The following GLIS3 variants were observed in gnomAD, a reference collection of about 807,000 sequenced individuals.
The protein encoded by GLIS3 is zinc finger protein GLIS3.
Under a neutral mutation model 78.6 loss-of-function variants are expected in GLIS3, and 53 were observed. The ratio of observed to expected loss-of-function variants is 0.67; its 90% CI spans 0.54 to 0.85. The LOEUF is 0.85. GLIS3 is among the 40% of genes least tolerant of loss of function. GLIS3 has a pLI of 0.00. For missense variants in GLIS3, 1,703 were observed against 1,231.1 expected (o/e 1.38, Z -5.74); for synonymous variants, 684 against 509.9 (o/e 1.34, Z -4.60).
At chr9:3,893,455 G>A (rs143278151) in intron 7 of GLIS3, among the ~76,000 whole-genome samples, 82 of 152,264 alleles carry the variant, frequency 5.4e-4, no homozygotes, top group African/African-American at 1.8e-3. Context: ...TTCTTCAGCT[G>A]AGTGGTTATA....
chr9:4,251,974 G>C (rs1159739062), intron 2 of GLIS3, among the ~76,000 whole-genome samples: 1 of 152,212 alleles, frequency 6.6e-6, no homozygotes, highest in Non-Finnish European at 1.5e-5. Flanking sequence ...CGAGAGATCT[G>C]CTGTTAGTCT....
chr9:3,889,386 C>A (rs1356195739), intron 7 of GLIS3, among the ~76,000 whole-genome samples: 1 of 152,132 alleles, frequency 6.6e-6, no homozygotes. Flanking sequence ...TACATGAGTT[C>A]TGGATGCCTT....
intron 2 of GLIS3, among the ~76,000 whole-genome samples, chr9:4,235,229 G>T (rs1042337956): frequency 6.6e-6 from 1 of 150,912 alleles, no homozygotes; most frequent in African/African-American, 2.5e-5. Flanking sequence ...AACCCGGGAG[G>T]CGGAGGTTGC....
At chr9:3,874,450 G>T (rs1474193232) in intron 8 of GLIS3, among the ~76,000 whole-genome samples, 1 of 152,168 alleles carries the variant, frequency 6.6e-6, no homozygotes, top group Non-Finnish European at 1.5e-5. Flanking sequence ...ACTAGTAAAT[G>T]TGTTTCCCTG....
intron 6 of GLIS3, among the ~76,000 whole-genome samples, chr9:3,916,057 G>A (rs1192454565): frequency 6.6e-6 from 1 of 152,114 alleles, no homozygotes; most frequent in Non-Finnish European, 1.5e-5. Context: ...GAAAATCTTA[G>A]AAACAAAGAG....
At chr9:3,828,744 G>A (rs961528535) in intron 10 of GLIS3, among the ~76,000 whole-genome samples, 1 of 152,174 alleles carries the variant, frequency 6.6e-6, no homozygotes, top group East Asian at 1.9e-4. Context: ...GAAGAAATAG[G>A]GAAAGAACAT....
In GLIS3 at chr9:4,010,620, G is replaced by A. The variant is rs149700303; in HGVS notation, c.1711-73431C>T. ...TTTGCCTCAGCTTCCAGACTTTCCC[G>A]TGAAAATCGCCTGCTTTGGTGTCAT... On this transcript the variant is annotated intron_variant, in intron 4 of 10. Transcript: ENST00000381971. Among the ~76,000 whole-genome samples, 44 of 152,280 alleles carry A rather than the reference G, an allele frequency of 2.9e-4. No individual in the cohort carries two copies. The East Asian group carries it at 2.9e-3, about 10-fold the overall frequency.
chr9:4,042,418 G>A (rs931446140), intron 4 of GLIS3, among the ~76,000 whole-genome samples: 1 of 152,180 alleles, frequency 6.6e-6, no homozygotes, highest in East Asian at 1.9e-4. Context: ...GTTAACCCAT[G>A]AGTACATAAA....
the GLIS3 span, among the ~76,000 whole-genome samples, chr9:4,363,299 T>C: frequency 6.6e-6 from 1 of 152,144 alleles, no homozygotes; most frequent in Non-Finnish European, 1.5e-5. Flanking sequence ...GGCACATGCC[T>C]GTAGTCCCAG....
chr9:4,432,378 G>A, the GLIS3 span, among the ~76,000 whole-genome samples: 1 of 152,176 alleles, frequency 6.6e-6, no homozygotes, highest in Non-Finnish European at 1.5e-5. Context: ...GACAGCATGA[G>A]CAAATGTATA....
chr9:4,424,855 C>A, the GLIS3 span, among the ~76,000 whole-genome samples: 1 of 151,830 alleles, frequency 6.6e-6, no homozygotes, highest in African/African-American at 2.4e-5. Flanking sequence ...CCACTGTGCC[C>A]AGCCCATTTT....
At chr9:4,192,667 T>A (rs975959527) in intron 2 of GLIS3, among the ~76,000 whole-genome samples, 3 of 152,158 alleles carry the variant, frequency 2.0e-5, no homozygotes, top group African/African-American at 4.8e-5. Context: ...AGCAAATATT[T>A]ATGAAGAGCC....
At chr9:4,119,752 C>A (rs956950103) in intron 3 of GLIS3, among the ~76,000 whole-genome samples, 1 of 152,228 alleles carries the variant, frequency 6.6e-6, no homozygotes, top group African/African-American at 2.4e-5. Context: ...CCTTTACAAA[C>A]ACACCCTATG....
the GLIS3 span, among the ~76,000 whole-genome samples, chr9:4,433,052 A>T: frequency 1.4e-3 from 219 of 152,304 alleles, no homozygotes; most frequent in Non-Finnish European, 1.9e-3. Flanking sequence ...ACCTATCTGC[A>T]AAGGAGAATT....
intron 6 of GLIS3, among the ~76,000 whole-genome samples, chr9:3,914,351 G>C (rs1824357936): frequency 7.5e-6 from 1 of 133,102 alleles, no homozygotes; most frequent in African/African-American, 2.8e-5. Context: ...TTTTTTTGCA[G>C]AGGCAAGATC....
In GLIS3 at chr9:4,286,112, C is replaced by A; in HGVS notation, c.314G>T (p.Gly105Val). The A allele has an allele frequency of 1.2e-6, 2 of 1,613,422 alleles. No individual in the cohort carries two copies. Among genetic ancestry groups the A allele is most frequent in the Non-Finnish European group, 1.7e-6 (2 of 1,179,424 alleles). The change falls in exon 2 of 11, where the codon GGC becomes GTC. Residue 105 changes from glycine to valine, a missense_variant. Physicochemically the swap from Gly to Val is moderately radical, Grantham distance 109. Transcript: ENST00000381971. ...CTTTAAAGTATGTGACCCTGACATG[C>A]CTCCAGCCTGGGTGACCTGGAATCG... ...KPRFQVTQAG[G>V]MSGSHTLKPK...
intron 9 of GLIS3, among the ~76,000 whole-genome samples, chr9:3,843,899 G>A (rs1332816417): frequency 6.6e-6 from 1 of 152,140 alleles, no homozygotes; most frequent in Non-Finnish European, 1.5e-5. Context: ...ATACTTAAGT[G>A]AACTAGAAAA....
rs777817389 is a variant in GLIS3 at position 4,118,930 on chromosome 9, C to T, written c.597-49G>A. The stretch of plus-strand genomic sequence containing the variant: ...GAAAAAAAAAAGATAAACATTTTAG[C>T]AGGATACGGATTGCTTAAGAGCTAA... On this transcript the variant is annotated intron_variant, in intron 3 of 10. Transcript: ENST00000381971. This position sits in a 1 kb window ranked among gnomAD's most constrained non-coding sequence, Gnocchi z 4.7. 2 of 1,571,502 alleles carry T rather than the reference C, an allele frequency of 1.3e-6. No homozygotes were observed. The highest frequency in any genetic ancestry group is 1.7e-6 in the Non-Finnish European group (2 of 1,163,274).
chr9:4,295,712 T>A (rs1816420088), intron 1 of GLIS3, among the ~76,000 whole-genome samples: 2 of 152,296 alleles, frequency 1.3e-5, no homozygotes, highest in South Asian at 2.1e-4. Context: ...GTGGGTGTGT[T>A]CCACTTGCAA....
Sources: allele counts gnomAD v4.1 joint callset (sites outside exome capture counted in the v4.1 genomes callset), GRCh38; gene constraint gnomAD v4.1.1; non-coding constraint Gnocchi (gnomAD v3.1); transcripts MANE v1.5; gene names NCBI Gene and HGNC (gene_info 2026-07-23, HGNC 2026-07-21).